The following SGK2 variants were observed in gnomAD, a reference collection of about 807,000 sequenced individuals.
SGK2 encodes serine/threonine-protein kinase Sgk2.
In SGK2, 36 loss-of-function variants were observed where a neutral mutation model predicts 47.5. The ratio of observed to expected loss-of-function variants is 0.76; its 90% CI spans 0.58 to 1.00. SGK2 has a LOEUF of 1.00. Among genes scored for constraint, SGK2 ranks in the 50% least tolerant of loss-of-function variants. SGK2 has a pLI of 0.00. For missense variants in SGK2, 404 were observed against 467.4 expected, an observed-to-expected ratio of 0.86 and a Z score of 1.25; for synonymous variants, 157 against 181.9, an observed-to-expected ratio of 0.86 and a Z score of 1.10.
At chr20:43,561,663 A>T (rs917721517) in intron 1 of SGK2, among the ~76,000 whole-genome samples, 1 of 152,120 alleles carries the variant, frequency 6.6e-6, no homozygotes, top group African/African-American at 2.4e-5. Context: ...CTGGGATTAC[A>T]GGTGTGAGCC....
At chr20:43,576,092 C>A in intron 10 of SGK2, 132 bp from the exon 11 acceptor site, 1 of 1,010,644 alleles carries the variant, frequency 9.9e-7, no homozygotes, top group Non-Finnish European at 1.5e-6. Flanking sequence ...TCTTTCCAGT[C>A]TGCCATGCGA....
At chr20:43,563,511 G>A (rs764213905) in intron 1 of SGK2, among the ~76,000 whole-genome samples, 1 of 152,150 alleles carries the variant, frequency 6.6e-6, no homozygotes, top group African/African-American at 2.4e-5. Flanking sequence ...CATTTGGAAC[G>A]GGCTCAAAAG....
chr20:43,577,875 C>G, intron 11 of SGK2, among the ~76,000 whole-genome samples: 1 of 151,424 alleles, frequency 6.6e-6, no homozygotes, highest in Non-Finnish European at 1.5e-5. Flanking sequence ...GAACGCCTGA[C>G]CTCAAGTGAT....
chr20:43,569,603 G>A (rs973162894), intron 6 of SGK2, 87 bp downstream of exon 6: 2 of 1,485,124 alleles, frequency 1.3e-6, no homozygotes, highest in African/African-American at 2.8e-5. Context: ...CCAAGTTCTG[G>A]AATGATCTCA....
At position 43,562,467 on chromosome 20, in the gene SGK2, A is replaced by G. The variant is rs375712056; in HGVS notation, c.-24+3308A>G. Among the ~76,000 whole-genome samples, 112 of 143,128 alleles carry G rather than the reference A, an allele frequency of 7.8e-4. 3 individuals carry two copies. The South Asian group carries it at 0.027, about 34-fold the overall frequency. 93.9% of individuals were successfully genotyped at this position (143,128 alleles called of 152,430 possible). On this transcript the variant is annotated intron_variant, in intron 1 of 12. Coordinates refer to ENST00000373100, the MANE Select transcript of SGK2 (RefSeq NM_170693.3). ...AAAGATTGAGATGCTTTGGCTGGGC[A>G]CGGTGGCTCACACCTGTAATCCCAG...
At chr20:43,580,127 C>A in intron 12 of SGK2, 66 bp downstream of exon 12, 3 of 975,864 alleles carry the variant, frequency 3.1e-6, no homozygotes, top group African/African-American at 1.7e-5. Context: ...TGCTTGCCAA[C>A]TCTCCTTATC....
rs369456017 is a variant in SGK2, at chr20:43,576,185, G to A, written c.694-39G>A. On this transcript the variant is annotated intron_variant, in intron 10 of 12. Coordinates refer to ENST00000373100, the MANE Select transcript of SGK2 (RefSeq NM_170693.3). ...GTCTCCCCGAGCCTGTGTTCACTTTGCATGGGTGATCCTCCAGCTGTTCTC... is the reference window on the plus strand; with the variant it reads ...GTCTCCCCGAGCCTGTGTTCACTTTACATGGGTGATCCTCCAGCTGTTCTC... The A allele has an allele frequency of 1.9e-6, 3 of 1,608,484 alleles. No homozygotes were observed. The African/African-American group carries it at 4.0e-5, about 21-fold the overall frequency.
chr20:43,561,451 G>A (rs1348631518), intron 1 of SGK2, among the ~76,000 whole-genome samples: 2 of 146,976 alleles, frequency 1.4e-5, no homozygotes, highest in Non-Finnish European at 3.0e-5. Flanking sequence ...GTGCAGTGGC[G>A]TGATCTCAGC....
rs775816146 is a variant in SGK2 at position 43,574,975 on chromosome 20, G to T, written c.664G>T (p.Ala222Ser). ...AGCAGTGGACTGGTGGTGCTTGGGGGCAGTCCTCTACGAGATGCTCCATGG... is the reference window on the plus strand; with the variant it reads ...AGCAGTGGACTGGTGGTGCTTGGGGTCAGTCCTCTACGAGATGCTCCATGG... ...DRAVDWWCLG[A>S]VLYEMLHGLP... The change falls in exon 10 of 13, where the codon GCA (alanine) becomes TCA (serine). Residue 222 changes from alanine (A) to serine (S), a missense_variant. Physicochemically the swap from Ala to Ser is moderately conservative, Grantham distance 99. Coordinates refer to ENST00000373100, the MANE Select transcript of SGK2 (RefSeq NM_170693.3). 8.1e-6 allele frequency: 13 copies of T among 1,613,510 alleles called. No homozygotes were observed. The African/African-American group carries it at 1.6e-4, about 20-fold the overall frequency.
In SGK2 at chr20:43,565,590, G is replaced by C. The variant is rs528641819; in HGVS notation, c.-23-883G>C. ...AAGATAGGAAATCTCTACTCAGAGA[G>C]GCTGGGCTGCAGCCCAGGCCCCACA... On this transcript the variant is annotated intron_variant, in intron 1 of 12. Coordinates refer to ENST00000373100, the MANE Select transcript of SGK2 (RefSeq NM_170693.3). 5.9e-5 allele frequency among the ~76,000 whole-genome samples: 9 copies of C among 152,290 alleles called. No individual in the cohort carries two copies. In the East Asian group the frequency reaches 1.7e-3, roughly 30 times the overall value.
chr20:43,573,582 G>A lies in SGK2; in HGVS notation c.598-1327G>A, dbSNP rs75065077. Among the ~76,000 whole-genome samples the A allele has an allele frequency of 2.4e-3, 371 of 152,114 alleles. 4 individuals carry two copies. The highest frequency in any genetic ancestry group is 0.024 in the Middle Eastern group (7 of 292). On this transcript the variant is annotated intron_variant, in intron 9 of 12. Transcript: ENST00000373100. ...AGGGGTCCCCAGTGGCTAGACAGAC[G>A]TCAGGGTGAGGGTTGGAGGGCTGAG... is the stretch of plus-strand genomic sequence containing the variant.
intron 11 of SGK2, among the ~76,000 whole-genome samples, chr20:43,579,327 T>C (rs1371208298): frequency 6.6e-6 from 1 of 152,136 alleles, no homozygotes; most frequent in Non-Finnish European, 1.5e-5. Context: ...CTTACGGAGA[T>C]ATTTTGGATC....
chr20:43,559,075 C>T lies in SGK2; in HGVS notation c.-108C>T, dbSNP rs1439435752. Reference sequence around the variant, plus strand: ...GACAAGTCAGGATTGTGCCTCCAGTCAGAAGGACCATGAAGAGAGAGAAGA... The same window carrying T: ...GACAAGTCAGGATTGTGCCTCCAGTTAGAAGGACCATGAAGAGAGAGAAGA... On this transcript the variant is annotated 5_prime_UTR_variant, in exon 1 of 13. Transcript: ENST00000373100. 6.6e-6 allele frequency: 1 copy of T among 152,268 alleles called. No individual in the cohort carries two copies. The highest frequency in any genetic ancestry group is 1.5e-5 in the Non-Finnish European group (1 of 68,150). The allele number at this position is 152,268 out of a possible 1,614,324, so 9.4% of individuals were successfully genotyped here.
rs1980229822 is a variant in SGK2, at chr20:43,572,951, G to A, written c.597+814G>A. On this transcript the variant is annotated intron_variant, in intron 9 of 12. Transcript: ENST00000373100. The surrounding 1 kb of genome is among the most constrained non-coding windows in gnomAD (Gnocchi z 4.2). ...TCAATTTGGAGCAGCCACATTTGAA[G>A]TGTTCGATAGCCACGTGCAGCCAGT... 1.3e-5 allele frequency among the ~76,000 whole-genome samples: 2 copies of A among 152,054 alleles called. No homozygotes were observed. Among genetic ancestry groups the A allele is most frequent in the Admixed American group, 6.5e-5 (1 of 15,274 alleles).
intron 1 of SGK2, among the ~76,000 whole-genome samples, chr20:43,559,385 C>A (rs774852711): frequency 6.6e-6 from 1 of 152,160 alleles, no homozygotes; most frequent in Non-Finnish European, 1.5e-5. Context: ...CAACTTACAT[C>A]CTCACTTCCT....
At chr20:43,573,672 C>T (rs570857742) in intron 9 of SGK2, among the ~76,000 whole-genome samples, 32 of 152,190 alleles carry the variant, frequency 2.1e-4, no homozygotes, top group African/African-American at 7.2e-4. Flanking sequence ...CTCTTTTTCT[C>T]CATATGCTTG....
At chr20:43,569,730 G>A (rs770213128) in intron 6 of SGK2, 3 of 550,192 alleles carry the variant, frequency 5.5e-6, no homozygotes, top group Non-Finnish European at 9.8e-6. Flanking sequence ...ATTCAGGTCT[G>A]TTAGACTCCC....
intron 3 of SGK2, 29 bp from the exon 4 acceptor site, chr20:43,567,636 C>T (rs1164082648): frequency 1.2e-6 from 2 of 1,610,924 alleles, no homozygotes; most frequent in Non-Finnish European, 1.7e-6. Flanking sequence ...ATTGCAAATG[C>T]TGATCCGTGT....
intron 1 of SGK2, among the ~76,000 whole-genome samples, chr20:43,562,138 G>A (rs1391576508): frequency 6.6e-6 from 1 of 152,112 alleles, no homozygotes; most frequent in African/African-American, 2.4e-5. Context: ...TACCAGCCAG[G>A]CGCAGTGGGT....
Sources: gnomAD v4.1 joint callset for allele counts (sites outside exome capture counted in the v4.1 genomes callset) on GRCh38, gnomAD v4.1.1 for gene constraint, Gnocchi (gnomAD v3.1) non-coding constraint, MANE v1.5 for transcripts, NCBI Gene and HGNC (gene_info 2026-07-23, HGNC 2026-07-21) for gene names.